FAM151B: variants seen among roughly 807,000 people sequenced by gnomAD.
The protein encoded by FAM151B is protein FAM151B.
In FAM151B, 24 loss-of-function variants were observed where a neutral mutation model predicts 31.2. That is an observed-to-expected ratio of 0.77 (90% CI 0.56 to 1.08). The LOEUF is 1.08. Ranked by LOEUF, FAM151B falls within the 50% of genes least tolerant of loss-of-function variation. The probability of loss-of-function intolerance (pLI) is 0.00; values close to 1 mark genes in which losing one functional copy is unlikely to be tolerated. For synonymous variants in FAM151B, 105 were observed against 111.4 expected, an observed-to-expected ratio of 0.94 and a Z score of 0.36; for missense variants, 293 against 328.6, an observed-to-expected ratio of 0.89 and a Z score of 0.84.
intron 5 of FAM151B, among the ~76,000 whole-genome samples, chr5:80,523,410 T>G (rs1744805874): frequency 2.0e-5 from 3 of 152,156 alleles, no homozygotes; most frequent in Admixed American, 2.0e-4. Flanking sequence ...GGCTGGAGTA[T>G]AAACTGATCA....
At chr5:80,520,664 G>A (rs1196775892) in intron 4 of FAM151B, among the ~76,000 whole-genome samples, 1 of 144,586 alleles carries the variant, frequency 6.9e-6, no homozygotes, top group African/African-American at 2.6e-5. Flanking sequence ...AAAAAAGTGT[G>A]TGCATATATA....
intron 5 of FAM151B, among the ~76,000 whole-genome samples, chr5:80,524,734 G>T (rs1744882756): frequency 6.6e-6 from 1 of 152,102 alleles, no homozygotes; most frequent in Non-Finnish European, 1.5e-5. Context: ...CAGTGTTTCA[G>T]ATAACAAAAT....
intron 2 of FAM151B, among the ~76,000 whole-genome samples, chr5:80,509,949 A>G (rs1206099860): frequency 6.6e-6 from 1 of 152,216 alleles, no homozygotes; most frequent in Non-Finnish European, 1.5e-5. Context: ...GCTTCCAGTA[A>G]GAATTTCTGC....
At chr5:80,520,241 A>G (rs1026207372) in intron 4 of FAM151B, among the ~76,000 whole-genome samples, 1 of 152,334 alleles carries the variant, frequency 6.6e-6, no homozygotes, top group Middle Eastern at 3.4e-3. Context: ...TTATCAGGAA[A>G]TTAGCTGCTA....
At position 80,513,050 on chromosome 5, in the gene FAM151B, G is replaced by A. The variant is rs144154076; in HGVS notation, c.152-554G>A. Among the ~76,000 whole-genome samples, 361 of 152,262 alleles carry A rather than the reference G, an allele frequency of 2.4e-3. 3 individuals are homozygous for A. The highest frequency in any genetic ancestry group is 8.5e-3 in the African/African-American group (354 of 41,548). ...GAAGAGCGGTATGCATGTCCTGGAG[G>A]AGTTGTTGGCAGCCATCTTGGAGTC... On this transcript the variant is annotated intron_variant, in intron 2 of 5. Transcript: ENST00000282226.
At chr5:80,515,360 G>A (rs778957951) in intron 3 of FAM151B, among the ~76,000 whole-genome samples, 1 of 152,162 alleles carries the variant, frequency 6.6e-6, no homozygotes, top group Non-Finnish European at 1.5e-5. Flanking sequence ...ATGTACCTGA[G>A]GGTAACAGGT....
chr5:80,534,146 C>T (rs2112670108), intron 5 of FAM151B, among the ~76,000 whole-genome samples: 1 of 152,054 alleles, frequency 6.6e-6, no homozygotes, highest in Admixed American at 6.6e-5. Context: ...ACCCTGGGAC[C>T]CGATGGCTTC....
At position 80,541,927 on chromosome 5, in the gene FAM151B, G is replaced by A; in HGVS notation, c.*95G>A. The A allele has an allele frequency of 3.1e-6, 4 of 1,306,742 alleles. No individual in the cohort carries two copies. The highest frequency in any genetic ancestry group is 3.1e-6 in the Non-Finnish European group (3 of 959,344). 80.9% of individuals were successfully genotyped at this position (1,306,742 alleles called of 1,614,324 possible). ...ACCATATAAATTATGGTTATTGATT[G>A]ACGTTCCAAGTCATCTAATCAAGAA... On this transcript the variant is annotated 3_prime_UTR_variant, in exon 6 of 6. Coordinates refer to ENST00000282226, the MANE Select transcript of FAM151B (RefSeq NM_205548.3).
chr5:80,501,288 G>C, intron 1 of FAM151B: 1 of 625,602 alleles, frequency 1.6e-6, no homozygotes, highest in Non-Finnish European at 2.8e-6. Context: ...CCAAAGTGCT[G>C]GGATTACAGG....
At position 80,542,303 on chromosome 5, in the gene FAM151B, T is replaced by G. The variant is rs1341066250; in HGVS notation, c.*471T>G. 6.5e-6 allele frequency: 1 copy of G among 153,694 alleles called. No homozygotes were observed. Among genetic ancestry groups the G allele is most frequent in the East Asian group, 1.9e-4 (1 of 5,240 alleles). The allele number at this position is 153,694 out of a possible 1,614,324, so 9.5% of individuals were successfully genotyped here. ...TAATTTTCACAGGGGTCAGCAGCTGTCTCATATCAAGATCTATTAATCCAT... is the reference window on the plus strand; with the variant it reads ...TAATTTTCACAGGGGTCAGCAGCTGGCTCATATCAAGATCTATTAATCCAT... On this transcript the variant is annotated 3_prime_UTR_variant, in exon 6 of 6. Coordinates refer to ENST00000282226, the MANE Select transcript of FAM151B (RefSeq NM_205548.3).
intron 2 of FAM151B, among the ~76,000 whole-genome samples, chr5:80,508,626 C>T (rs1744071339): frequency 1.3e-5 from 2 of 152,070 alleles, no homozygotes; most frequent in Admixed American, 1.3e-4. Context: ...AATTTGGGAG[C>T]CCACAGACCT....
At position 80,519,971 on chromosome 5, in the gene FAM151B, A is replaced by G. The variant is rs909517158; in HGVS notation, c.535+61A>G. On this transcript the variant is annotated intron_variant, in intron 4 of 5. Coordinates refer to ENST00000282226, the MANE Select transcript of FAM151B (RefSeq NM_205548.3). Reference sequence around the variant, plus strand: ...AAAATATCCTCCAGGTATAAAAATAACATCTTTAATACAAAGACCAAAACC... The same window carrying G: ...AAAATATCCTCCAGGTATAAAAATAGCATCTTTAATACAAAGACCAAAACC... 68 of 1,479,110 alleles carry G rather than the reference A, an allele frequency of 4.6e-5. No homozygotes were observed. The African/African-American group carries it at 9.2e-4, about 20-fold the overall frequency. 91.6% of individuals were successfully genotyped at this position (1,479,110 alleles called of 1,614,324 possible).
At chr5:80,512,190 T>A (rs1744219659) in intron 2 of FAM151B, among the ~76,000 whole-genome samples, 1 of 152,222 alleles carries the variant, frequency 6.6e-6, no homozygotes, top group Non-Finnish European at 1.5e-5. Flanking sequence ...ATAAAATTTC[T>A]CAAGATCACA....
intron 1 of FAM151B, among the ~76,000 whole-genome samples, chr5:80,491,429 C>T (rs958921838): frequency 6.6e-6 from 1 of 152,116 alleles, no homozygotes. Context: ...TGCTTCATTG[C>T]CCAGGCTGGT....
intron 5 of FAM151B, among the ~76,000 whole-genome samples, chr5:80,527,683 C>T (rs1745035012): frequency 6.6e-6 from 1 of 152,088 alleles, no homozygotes; most frequent in African/African-American, 2.4e-5. Flanking sequence ...AAAAATGGCA[C>T]ACCTGTGTAG....
intron 1 of FAM151B, among the ~76,000 whole-genome samples, chr5:80,494,531 A>C (rs549073009): frequency 8.7e-6 from 1 of 114,512 alleles, no homozygotes; most frequent in Non-Finnish European, 1.8e-5. Flanking sequence ...TTTCTTTTTT[A>C]AGACAGGGTC....
chr5:80,494,456 T>G (rs1416368729), intron 1 of FAM151B, among the ~76,000 whole-genome samples: 3 of 82,688 alleles, frequency 3.6e-5, no homozygotes, highest in Non-Finnish European at 7.7e-5. Context: ...TCTTTCTTTC[T>G]TTTCTTTCTT....
At chr5:80,538,746 G>A (rs1580464742) in intron 5 of FAM151B, among the ~76,000 whole-genome samples, 2 of 151,414 alleles carry the variant, frequency 1.3e-5, no homozygotes, top group Admixed American at 6.6e-5. Flanking sequence ...ACAGGCACCC[G>A]CCACCATACC....
chr5:80,529,552 G>A (rs1262087343), intron 5 of FAM151B, among the ~76,000 whole-genome samples: 4 of 152,052 alleles, frequency 2.6e-5, no homozygotes, highest in South Asian at 2.1e-4. Flanking sequence ...ATGATAAAGC[G>A]GATATCACCA....
Sources: allele counts gnomAD v4.1 joint callset (sites outside exome capture counted in the v4.1 genomes callset), GRCh38; gene constraint gnomAD v4.1.1; transcripts MANE v1.5; gene names NCBI Gene and HGNC (gene_info 2026-07-23, HGNC 2026-07-21).